The following IGSF21 variants were observed in gnomAD, a reference collection of about 807,000 sequenced individuals.
IGSF21 encodes immunoglobin superfamily member 21, also known as immunoglobulin superfamily member 21.
A neutral mutation model predicts 46.8 loss-of-function variants in IGSF21; 28 were observed. The ratio of observed to expected loss-of-function variants is 0.60; its 90% CI spans 0.44 to 0.82. The LOEUF is 0.82. Ranked by LOEUF, IGSF21 falls within the 40% of genes least tolerant of loss-of-function variation. IGSF21 has a pLI of 0.00. For synonymous variants in IGSF21, 284 were observed against 273.6 expected (o/e 1.04, Z -0.38); for missense variants, 624 against 665.5 (o/e 0.94, Z 0.69).
At chr1:18,257,103 G>A (rs2084900141) in intron 2 of IGSF21, among the ~76,000 whole-genome samples, 2 of 152,140 alleles carry the variant, frequency 1.3e-5, no homozygotes, top group Admixed American at 6.5e-5. Flanking sequence ...GGGCCTCCAT[G>A]ATAAGCTGAT....
intron 1 of IGSF21, among the ~76,000 whole-genome samples, chr1:18,197,153 C>T (rs186092498): frequency 6.6e-6 from 1 of 152,320 alleles, no homozygotes; most frequent in Admixed American, 6.5e-5. Context: ...TCGGGTGTCT[C>T]GATGCGAGGA....
chr1:18,176,652 C>T (rs1347324017), intron 1 of IGSF21, among the ~76,000 whole-genome samples: 1 of 152,230 alleles, frequency 6.6e-6, no homozygotes, highest in East Asian at 1.9e-4. Context: ...GCCCCTGACC[C>T]TGTGACCTTC....
intron 1 of IGSF21, among the ~76,000 whole-genome samples, chr1:18,121,620 C>T (rs527804664): frequency 7.0e-4 from 106 of 152,334 alleles, no homozygotes; most frequent in African/African-American, 2.3e-3. Flanking sequence ...CTGCCCTCGC[C>T]GACATGCCAT....
intron 1 of IGSF21, among the ~76,000 whole-genome samples, chr1:18,225,202 T>C (rs766496401): frequency 7.9e-5 from 12 of 151,648 alleles, no homozygotes. Context: ...AGCTGTCTTG[T>C]CTTAACCTGT....
At chr1:18,278,542 T>C in intron 2 of IGSF21, among the ~76,000 whole-genome samples, 1 of 137,796 alleles carries the variant, frequency 7.3e-6, no homozygotes, top group South Asian at 2.3e-4. Context: ...TTTGTTTGTT[T>C]GTTTGTTTGT....
chr1:18,324,760 C>T (rs544286791), intron 3 of IGSF21, among the ~76,000 whole-genome samples: 32 of 152,090 alleles, frequency 2.1e-4, no homozygotes, highest in Non-Finnish European at 4.0e-4. Context: ...TGTCCAATGG[C>T]CCCACCCCTC....
chr1:18,373,246 T>A (rs1290290774), intron 6 of IGSF21, among the ~76,000 whole-genome samples: 1 of 152,208 alleles, frequency 6.6e-6, no homozygotes, highest in Non-Finnish European at 1.5e-5. Context: ...GTGTCAATCC[T>A]GGGTCTCTGG....
At chr1:18,118,985 C>T (rs529345858) in intron 1 of IGSF21, among the ~76,000 whole-genome samples, 1 of 141,124 alleles carries the variant, frequency 7.1e-6, no homozygotes, top group Non-Finnish European at 1.5e-5. Context: ...TTGAAATCAG[C>T]TAAATAGAAG....
intron 1 of IGSF21, among the ~76,000 whole-genome samples, chr1:18,153,083 C>T (rs2086535327): frequency 6.6e-6 from 1 of 152,058 alleles, no homozygotes; most frequent in South Asian, 2.1e-4. Context: ...GCTCAGTGTT[C>T]GAGCCCCCAA....
intron 1 of IGSF21, among the ~76,000 whole-genome samples, chr1:18,226,939 T>C (rs1173075860): frequency 6.6e-6 from 1 of 152,152 alleles, no homozygotes; most frequent in Non-Finnish European, 1.5e-5. Context: ...ATGGGGCTAG[T>C]GGAGGCAGAG....
chr1:18,219,448 A>T (rs146861082), intron 1 of IGSF21, among the ~76,000 whole-genome samples: 165 of 152,246 alleles, frequency 1.1e-3, no homozygotes, highest in African/African-American at 3.8e-3. Context: ...GGTAGGGAGG[A>T]CACAGGGCCA....
chr1:18,201,672 T>C (rs1366289415), intron 1 of IGSF21, among the ~76,000 whole-genome samples: 3 of 152,078 alleles, frequency 2.0e-5, no homozygotes, highest in African/African-American at 7.2e-5. Context: ...AAGGAACAGG[T>C]ATCTCTGGAC....
chr1:18,189,654 A>G (rs2086936426), intron 1 of IGSF21, among the ~76,000 whole-genome samples: 1 of 151,776 alleles, frequency 6.6e-6, no homozygotes, highest in South Asian at 2.1e-4. Flanking sequence ...GGAGCTCACA[A>G]CCTAGATCCC....
rs1569609694 is a variant in IGSF21 at position 18,242,005 on chromosome 1, T to A, written c.183+13995T>A. ...CTCCTCCGTGGGGGAGAGATGGAGATGGCCTGGGGGCAGAGGAGCTTCTGG... is the reference window on the plus strand; with the variant it reads ...CTCCTCCGTGGGGGAGAGATGGAGAAGGCCTGGGGGCAGAGGAGCTTCTGG... On this transcript the variant is annotated intron_variant, in intron 2 of 9. Coordinates refer to ENST00000251296, the MANE Select transcript of IGSF21 (RefSeq NM_032880.5). 2.0e-5 allele frequency among the ~76,000 whole-genome samples: 3 copies of A among 152,282 alleles called. No homozygotes were observed. In the South Asian group the frequency reaches 6.2e-4, roughly 32 times the overall value.
chr1:18,367,603 C>CT (rs35019096), intron 6 of IGSF21, among the ~76,000 whole-genome samples: 39,803 of 73,608 alleles, frequency 0.54, 12,646 homozygotes, highest in East Asian at 0.59. Flanking sequence ...CTCTCTCTCT[C>CT]TTTTTTTTTT....
rs141363033 is a variant in IGSF21 at position 18,133,294 on chromosome 1, G to A, written c.70+25096G>A. Among the ~76,000 whole-genome samples, 17 of 152,346 alleles carry A rather than the reference G, an allele frequency of 1.1e-4. No homozygotes were observed. In the East Asian group the frequency reaches 3.3e-3, roughly 29 times the overall value. On this transcript the variant is annotated intron_variant, in intron 1 of 9. Coordinates refer to ENST00000251296, the MANE Select transcript of IGSF21 (RefSeq NM_032880.5). The stretch of plus-strand genomic sequence containing the variant: ...TCCGGTTCCATCTCGCCTCTGCTGA[G>A]CAGCGGAGCCTTTCTGGTCTAACCC...
At position 18,186,188 on chromosome 1, in the gene IGSF21, G is replaced by C. The variant is rs146433258; in HGVS notation, c.71-41710G>C. On this transcript the variant is annotated intron_variant, in intron 1 of 9. Transcript: ENST00000251296. ...GTAGTTTTCCACTTTCCACCTGGGAGACTGATTTGCTCAAAATTGGCTTGG... is the reference window on the plus strand; with the variant it reads ...GTAGTTTTCCACTTTCCACCTGGGACACTGATTTGCTCAAAATTGGCTTGG... Among the ~76,000 whole-genome samples, 526 of 152,282 alleles carry C rather than the reference G, an allele frequency of 3.5e-3. 4 individuals are homozygous for C. Among genetic ancestry groups the C allele is most frequent in the African/African-American group, 0.012 (482 of 41,556 alleles).
At chr1:18,249,439 G>A (rs1042601772) in intron 2 of IGSF21, among the ~76,000 whole-genome samples, 5 of 152,148 alleles carry the variant, frequency 3.3e-5, no homozygotes, top group East Asian at 3.9e-4. Context: ...GAGTGAGAAC[G>A]TGGAGGCTGC....
chr1:18,288,700 C>G (rs1472133506), intron 2 of IGSF21, among the ~76,000 whole-genome samples: 1 of 152,182 alleles, frequency 6.6e-6, no homozygotes, highest in Non-Finnish European at 1.5e-5. Flanking sequence ...AGCCCGCTGG[C>G]CCCACCTGAG....
Sources: gnomAD v4.1 joint callset for allele counts (sites outside exome capture counted in the v4.1 genomes callset) on GRCh38, gnomAD v4.1.1 for gene constraint, MANE v1.5 for transcripts, NCBI Gene and HGNC (gene_info 2026-07-23, HGNC 2026-07-21) for gene names.